The following RBPJ variants were observed in gnomAD, a reference collection of about 807,000 sequenced individuals.
The protein encoded by RBPJ is recombination signal binding protein for immunoglobulin kappa J region, also known as recombining binding protein suppressor of hairless.
A neutral mutation model predicts 67.8 loss-of-function variants in RBPJ; 9 were observed. The observed-to-expected ratio is 0.13, with a 90% CI of 0.08 to 0.23. RBPJ has a LOEUF of 0.23. RBPJ is among the 10% of genes least tolerant of loss of function. The probability of loss-of-function intolerance (pLI) is 1.00; values close to 1 mark genes in which losing one functional copy is unlikely to be tolerated. For synonymous variants in RBPJ, 198 were observed against 203.3 expected (o/e 0.97, Z 0.22); for missense variants, 305 against 595.6 (o/e 0.51, Z 5.08).
intron 1 of RBPJ, among the ~76,000 whole-genome samples, chr4:26,364,281 A>C (rs1284955060): frequency 1.1e-4 from 16 of 152,238 alleles, no homozygotes; most frequent in Non-Finnish European, 2.4e-4. Context: ...ATTAAACTCT[A>C]GTCTATAACA....
the RBPJ span, among the ~76,000 whole-genome samples, chr4:26,144,458 T>A: frequency 6.6e-6 from 1 of 151,924 alleles, no homozygotes; most frequent in African/African-American, 2.4e-5. Context: ...TTAGTAGAGA[T>A]GGGTTTTCGC....
intron 1 of RBPJ, among the ~76,000 whole-genome samples, chr4:26,301,146 G>A (rs1200012278): frequency 6.6e-6 from 1 of 152,198 alleles, no homozygotes; most frequent in East Asian, 1.9e-4. Context: ...AATGGATGAG[G>A]TGAGTATTTT....
chr4:26,300,411 C>A (rs1402308048), intron 1 of RBPJ, among the ~76,000 whole-genome samples: 1 of 152,154 alleles, frequency 6.6e-6, no homozygotes, highest in Non-Finnish European at 1.5e-5. Flanking sequence ...CCTGAAAGAC[C>A]TTCGTATCTA....
At chr4:26,332,055 T>C (rs1724322711) in intron 1 of RBPJ, among the ~76,000 whole-genome samples, 1 of 152,232 alleles carries the variant, frequency 6.6e-6, no homozygotes, top group Non-Finnish European at 1.5e-5. Context: ...GTTGTATCTG[T>C]CATCCATGCT....
intron 2 of RBPJ, among the ~76,000 whole-genome samples, chr4:26,400,467 C>T (rs1210878010): frequency 6.6e-6 from 1 of 152,064 alleles, no homozygotes; most frequent in Non-Finnish European, 1.5e-5. Context: ...CAGCCTTCCT[C>T]TATTTGGATG....
chr4:26,130,124 G>T, the RBPJ span, among the ~76,000 whole-genome samples: 3 of 152,114 alleles, frequency 2.0e-5, no homozygotes, highest in African/African-American at 7.2e-5. Flanking sequence ...GGCCTCCAAA[G>T]TGCTGGGATT....
chr4:26,255,629 CG>C (rs1720310434), intron 1 of RBPJ, among the ~76,000 whole-genome samples: 1 of 149,458 alleles, frequency 6.7e-6, no homozygotes, highest in African/African-American at 2.5e-5. Context: ...GGTGAAACCC[CG>C]TCTCTACTAA....
intron 1 of RBPJ, among the ~76,000 whole-genome samples, chr4:26,337,429 C>G (rs1286474195): frequency 6.6e-6 from 1 of 152,050 alleles, no homozygotes; most frequent in African/African-American, 2.4e-5. Flanking sequence ...TATTGTTCTT[C>G]TTGTTGCTTG....
chr4:26,145,173 C>CGTTT, the RBPJ span, among the ~76,000 whole-genome samples: 281 of 152,096 alleles, frequency 1.8e-3, no homozygotes, highest in Non-Finnish European at 2.9e-3. Context: ...ACAAGCTGCT[C>CGTTT]GTCCCAGACT....
At chr4:26,128,588 A>G in the RBPJ span, among the ~76,000 whole-genome samples, 1 of 152,194 alleles carries the variant, frequency 6.6e-6, no homozygotes, top group Non-Finnish European at 1.5e-5. Context: ...ATTTGAGCTC[A>G]ATCCCCTCCT....
chr4:26,192,688 A>G (rs1213082468), intron 1 of RBPJ, among the ~76,000 whole-genome samples: 1 of 152,094 alleles, frequency 6.6e-6, no homozygotes, highest in Non-Finnish European at 1.5e-5. Flanking sequence ...CAGCATGCAA[A>G]CCCGGGAAGC....
intron 1 of RBPJ, among the ~76,000 whole-genome samples, chr4:26,383,399 G>C (rs1264102551): frequency 6.6e-6 from 1 of 152,078 alleles, no homozygotes; most frequent in Non-Finnish European, 1.5e-5. Flanking sequence ...CATCCCAAAG[G>C]GCACTTGCTG....
intron 1 of RBPJ, among the ~76,000 whole-genome samples, chr4:26,210,928 T>A (rs959763543): frequency 6.6e-6 from 1 of 151,796 alleles, no homozygotes; most frequent in African/African-American, 2.4e-5. Flanking sequence ...CTCCACTTGG[T>A]TTTGTATTGT....
intron 1 of RBPJ, among the ~76,000 whole-genome samples, chr4:26,285,834 A>G (rs1222300957): frequency 6.6e-6 from 1 of 152,206 alleles, no homozygotes; most frequent in Non-Finnish European, 1.5e-5. Context: ...CTATGTGTAT[A>G]CCCAAAGACT....
chr4:26,187,408 G>A (rs889388921), intron 1 of RBPJ, among the ~76,000 whole-genome samples: 2 of 151,960 alleles, frequency 1.3e-5, no homozygotes, highest in African/African-American at 4.8e-5. Flanking sequence ...TAACATATAT[G>A]TGAGTGAAAC....
rs74664571 is a variant in RBPJ at position 26,352,654 on chromosome 4, G to C, written c.20+31606G>C. Among the ~76,000 whole-genome samples, 1,426 of 152,328 alleles carry C rather than the reference G, an allele frequency of 9.4e-3. 31 individuals are homozygous for C. Among genetic ancestry groups the C allele is most frequent in the African/African-American group, 0.032 (1,330 of 41,578 alleles). On this transcript the variant is annotated intron_variant, in intron 1 of 10. Coordinates refer to ENST00000355476, the MANE Select transcript of RBPJ (RefSeq NM_015874.6). ...GGAGGCGGAGGTTGCAGTGAGCCCAGATCGCACCATTGCACTTCGGCCTGG... is the reference window on the plus strand; with the variant it reads ...GGAGGCGGAGGTTGCAGTGAGCCCACATCGCACCATTGCACTTCGGCCTGG...
At chr4:26,258,322 C>T (rs1720412920) in intron 1 of RBPJ, among the ~76,000 whole-genome samples, 1 of 152,236 alleles carries the variant, frequency 6.6e-6, no homozygotes, top group Non-Finnish European at 1.5e-5. Flanking sequence ...CTCTCTTCTT[C>T]ACCTCTGTAT....
chr4:26,425,556 C>T (rs1052032112), intron 7 of RBPJ, among the ~76,000 whole-genome samples: 10 of 152,048 alleles, frequency 6.6e-5, no homozygotes, highest in Admixed American at 4.6e-4. Context: ...CTGCAATGAG[C>T]GGTGATCGTA....
chr4:26,128,326 A>G, the RBPJ span, among the ~76,000 whole-genome samples: 1 of 152,368 alleles, frequency 6.6e-6, no homozygotes, highest in East Asian at 1.9e-4. Context: ...GCACACACAA[A>G]TGTGACAATG....
Sources: allele counts gnomAD v4.1 joint callset (sites outside exome capture counted in the v4.1 genomes callset), GRCh38; gene constraint gnomAD v4.1.1; transcripts MANE v1.5; gene names NCBI Gene and HGNC (gene_info 2026-07-23, HGNC 2026-07-21).